The following THSD4 variants were observed in gnomAD, a reference collection of about 807,000 sequenced individuals.
The protein encoded by THSD4 is thrombospondin type-1 domain-containing protein 4.
Under a neutral mutation model 119.0 loss-of-function variants are expected in THSD4, and 69 were observed. The observed-to-expected ratio is 0.58, with a 90% CI of 0.48 to 0.71. The LOEUF is 0.71. THSD4 is among the 30% of genes least tolerant of loss of function. The probability of loss-of-function intolerance (pLI) is 0.00; values close to 1 mark genes in which losing one functional copy is unlikely to be tolerated. For synonymous variants in THSD4, 524 were observed against 540.4 expected, an observed-to-expected ratio of 0.97 and a Z score of 0.42; for missense variants, 1,393 against 1,391.1, an observed-to-expected ratio of 1.00 and a Z score of -0.02.
chr15:71,373,872 C>G (rs935710786), intron 6 of THSD4, among the ~76,000 whole-genome samples: 1 of 152,194 alleles, frequency 6.6e-6, no homozygotes, highest in African/African-American at 2.4e-5. Context: ...TATATACACA[C>G]AAATGCTGCA....
At chr15:71,212,649 C>T (rs1041018560) in intron 3 of THSD4, among the ~76,000 whole-genome samples, 1 of 152,310 alleles carries the variant, frequency 6.6e-6, no homozygotes, top group Admixed American at 6.5e-5. Flanking sequence ...CTTCTGTTTT[C>T]TAGCAACAAT....
intron 3 of THSD4, chr15:71,183,884 T>G (rs947213494): frequency 6.6e-6 from 1 of 151,798 alleles, no homozygotes; most frequent in African/African-American, 2.4e-5. Context: ...AAGAAACTCT[T>G]GCGTTGTGAC....
chr15:71,294,825 A>C (rs1045924941), intron 6 of THSD4, among the ~76,000 whole-genome samples: 2 of 151,928 alleles, frequency 1.3e-5, no homozygotes, highest in African/African-American at 4.8e-5. Context: ...TCTTATAATA[A>C]CACCACGCCC....
intron 7 of THSD4, among the ~76,000 whole-genome samples, chr15:71,531,839 T>C (rs2048613944): frequency 6.6e-6 from 1 of 152,214 alleles, no homozygotes; most frequent in Non-Finnish European, 1.5e-5. Context: ...AAGCAGAAAC[T>C]GGGCAGAAGA....
rs565098499 is a variant in THSD4, at chr15:71,584,319, G to A, written c.1153-76211G>A. 2.4e-5 allele frequency among the ~76,000 whole-genome samples: 3 copies of A among 123,960 alleles called. No individual in the cohort carries two copies. In the South Asian group the frequency reaches 8.1e-4, roughly 34 times the overall value. 81.3% of individuals were successfully genotyped at this position (123,960 alleles called of 152,430 possible). ...GTCTCACTTTGTCACCCAGGCTGAAGTGTAGTGGCATGATCTCGGCTCACT... is the reference window on the plus strand; with the variant it reads ...GTCTCACTTTGTCACCCAGGCTGAAATGTAGTGGCATGATCTCGGCTCACT... On this transcript the variant is annotated intron_variant, in intron 7 of 17. Transcript: ENST00000261862.
chr15:71,154,171 A>G (rs2040753639), intron 2 of THSD4, among the ~76,000 whole-genome samples: 1 of 152,184 alleles, frequency 6.6e-6, no homozygotes, highest in South Asian at 2.1e-4. Flanking sequence ...GATCACCCAG[A>G]TGGGAATGAT....
intron 4 of THSD4, among the ~76,000 whole-genome samples, chr15:71,231,695 G>A (rs571940584): frequency 6.6e-6 from 1 of 152,306 alleles, no homozygotes; most frequent in Non-Finnish European, 1.5e-5. Context: ...GGGAGCAGCA[G>A]CAGATCTAGT....
intron 7 of THSD4, among the ~76,000 whole-genome samples, chr15:71,453,330 G>C (rs2047292667): frequency 6.6e-6 from 1 of 152,162 alleles, no homozygotes; most frequent in Non-Finnish European, 1.5e-5. Flanking sequence ...TCTTTGATCT[G>C]AAGTACCCAG....
At position 71,248,105 on chromosome 15, in the gene THSD4, C is replaced by G. The variant is rs556352430; in HGVS notation, c.912+5009C>G. 4.1e-4 allele frequency among the ~76,000 whole-genome samples: 63 copies of G among 152,216 alleles called. 1 individual carries two copies. The highest frequency in any genetic ancestry group is 1.5e-3 in the African/African-American group (63 of 41,538). On this transcript the variant is annotated intron_variant, in intron 5 of 17. Coordinates refer to ENST00000261862, the MANE Select transcript of THSD4 (RefSeq NM_024817.3). Reference sequence around the variant, plus strand: ...GACCAGCCTGGGGAACATAGTGAGACCTTGTCTCTACAAAAAATTTAAGAA... The same window carrying G: ...GACCAGCCTGGGGAACATAGTGAGAGCTTGTCTCTACAAAAAATTTAAGAA...
chr15:71,580,507 T>G (rs2049537691), intron 7 of THSD4, among the ~76,000 whole-genome samples: 1 of 152,106 alleles, frequency 6.6e-6, no homozygotes, highest in Non-Finnish European at 1.5e-5. Flanking sequence ...AAATGTAAGA[T>G]CTACTCAATT....
At chr15:71,227,363 T>C (rs1305273110) in intron 4 of THSD4, among the ~76,000 whole-genome samples, 1 of 152,226 alleles carries the variant, frequency 6.6e-6, no homozygotes, top group East Asian at 1.9e-4. Flanking sequence ...AATATGTGTG[T>C]CCCAGAAGGG....
intron 3 of THSD4, among the ~76,000 whole-genome samples, chr15:71,198,409 C>T (rs565323523): frequency 2.6e-5 from 4 of 152,238 alleles, no homozygotes; most frequent in Non-Finnish European, 5.9e-5. Flanking sequence ...CTCTTCCTGG[C>T]AGGCAGCTCT....
intron 7 of THSD4, among the ~76,000 whole-genome samples, chr15:71,448,101 G>A (rs971900786): frequency 6.6e-6 from 1 of 152,208 alleles, no homozygotes; most frequent in African/African-American, 2.4e-5. Flanking sequence ...GGTTCTGTTA[G>A]GGTCACAAGA....
intron 6 of THSD4, among the ~76,000 whole-genome samples, chr15:71,288,864 C>T (rs1027578788): frequency 6.6e-5 from 10 of 152,076 alleles, no homozygotes; most frequent in South Asian, 6.2e-4. Flanking sequence ...CAAGACCTTC[C>T]GGGGATCCAC....
At chr15:71,592,514 G>A (rs2049826306) in intron 7 of THSD4, among the ~76,000 whole-genome samples, 1 of 152,074 alleles carries the variant, frequency 6.6e-6, no homozygotes, top group African/African-American at 2.4e-5. Context: ...TGCCCTCCTG[G>A]GTAGTTGGGT....
chr15:71,111,200 T>C, upstream of THSD4: 4 of 1,613,406 alleles, frequency 2.5e-6, no homozygotes, highest in Non-Finnish European at 3.4e-6. Flanking sequence ...AGAGCAAGTG[T>C]GAAGCAGAAA....
chr15:71,681,079 A>C (rs2051766164), intron 8 of THSD4, among the ~76,000 whole-genome samples: 1 of 151,806 alleles, frequency 6.6e-6, no homozygotes, highest in Admixed American at 6.6e-5. Flanking sequence ...CACCATGCCC[A>C]GTTAATTTTT....
At chr15:71,299,563 A>G (rs2044915462) in intron 6 of THSD4, among the ~76,000 whole-genome samples, 2 of 152,220 alleles carry the variant, frequency 1.3e-5, no homozygotes, top group South Asian at 4.1e-4. Context: ...ATAATGGGGA[A>G]GAGGGAGCTG....
At chr15:71,755,706 CAAAAAAAAAAAAAA>C (rs10555546) in intron 14 of THSD4, among the ~76,000 whole-genome samples, 50 of 50,292 alleles carry the variant, frequency 9.9e-4, no homozygotes, top group Middle Eastern at 0.031. Context: ...TCAGCAAAGA[CAAAAAAAAAAAAAA>C]AAAAAAAAAA....
Sources: allele counts gnomAD v4.1 joint callset (sites outside exome capture counted in the v4.1 genomes callset), GRCh38; gene constraint gnomAD v4.1.1; transcripts MANE v1.5; gene names NCBI Gene and HGNC (gene_info 2026-07-23, HGNC 2026-07-21).